The following ERBB4 variants were observed in gnomAD, a reference collection of about 807,000 sequenced individuals.
ERBB4 encodes the protein erb-b2 receptor tyrosine kinase 4.
A neutral mutation model predicts 158.0 loss-of-function variants in ERBB4; 42 were observed. The ratio of observed to expected loss-of-function variants is 0.27; its 90% CI spans 0.21 to 0.34. ERBB4 has a LOEUF of 0.34. Ranked by LOEUF, ERBB4 falls within the 10% of genes least tolerant of loss-of-function variation. ERBB4 has a pLI of 1.00. For synonymous variants in ERBB4, 583 were observed against 558.7 expected (o/e 1.04, Z -0.61); for missense variants, 1,333 against 1,624.1 (o/e 0.82, Z 3.08).
At chr2:212,393,892 G>T (rs1205639590) in intron 1 of ERBB4, among the ~76,000 whole-genome samples, 1 of 151,988 alleles carries the variant, frequency 6.6e-6, no homozygotes, top group African/African-American at 2.4e-5. Context: ...CCACTTCTAG[G>T]CCAGATGCAA....
chr2:211,850,611 G>A (rs768849744), intron 3 of ERBB4, among the ~76,000 whole-genome samples: 4 of 151,872 alleles, frequency 2.6e-5, no homozygotes, highest in Non-Finnish European at 4.4e-5. Flanking sequence ...AATTGACAGA[G>A]ATGGTGGAAA....
At chr2:211,860,664 T>G (rs1295641802) in intron 3 of ERBB4, among the ~76,000 whole-genome samples, 2 of 144,160 alleles carry the variant, frequency 1.4e-5, no homozygotes, top group East Asian at 4.2e-4. Flanking sequence ...ATTTTAATTT[T>G]TGCCATATAA....
chr2:211,732,697 G>A (rs1056679590), intron 5 of ERBB4, among the ~76,000 whole-genome samples: 8 of 152,254 alleles, frequency 5.3e-5, no homozygotes, highest in East Asian at 3.9e-4. Flanking sequence ...GGTGGCTCAC[G>A]CCTGTAATCC....
intron 1 of ERBB4, among the ~76,000 whole-genome samples, chr2:212,130,861 T>C (rs1399769885): frequency 6.6e-6 from 1 of 152,150 alleles, no homozygotes; most frequent in East Asian, 1.9e-4. Flanking sequence ...CATGTATATA[T>C]TGTGTGTGCA....
chr2:212,207,463 T>C (rs7595442), intron 1 of ERBB4, among the ~76,000 whole-genome samples: 33,201 of 152,170 alleles, frequency 0.22, 4,019 homozygotes, highest in South Asian at 0.44. Context: ...TCTGTCGCCA[T>C]GTGCTACACA....
At chr2:211,915,438 CAT>C (rs78546007) in intron 3 of ERBB4, among the ~76,000 whole-genome samples, 3,842 of 147,468 alleles carry the variant, frequency 0.026, 76 homozygotes, top group Middle Eastern at 0.07. Context: ...TCAAACATTA[CAT>C]ATATATATAT....
At chr2:211,975,587 C>G (rs943098873) in intron 2 of ERBB4, among the ~76,000 whole-genome samples, 2 of 152,086 alleles carry the variant, frequency 1.3e-5, no homozygotes, top group African/African-American at 4.8e-5. Flanking sequence ...GAACTTAGTT[C>G]ATATTGTTTC....
At chr2:211,456,871 C>T (rs890231291) in intron 20 of ERBB4, among the ~76,000 whole-genome samples, 1 of 152,146 alleles carries the variant, frequency 6.6e-6, no homozygotes, top group African/African-American at 2.4e-5. Context: ...CAGTAATGCT[C>T]ACTTGCAGCC....
At chr2:211,759,976 T>C (rs1448932412) in intron 4 of ERBB4, among the ~76,000 whole-genome samples, 1 of 152,230 alleles carries the variant, frequency 6.6e-6, no homozygotes, top group Non-Finnish European at 1.5e-5. Flanking sequence ...TTCCGTCATA[T>C]AGACATGCCA....
intron 3 of ERBB4, among the ~76,000 whole-genome samples, chr2:211,897,330 T>A (rs2079123319): frequency 6.6e-6 from 1 of 151,944 alleles, no homozygotes; most frequent in South Asian, 2.1e-4. Flanking sequence ...AGTTTACAGA[T>A]ACTTAGCTGG....
At chr2:212,445,034 G>A (rs907868155) in intron 1 of ERBB4, among the ~76,000 whole-genome samples, 1 of 151,824 alleles carries the variant, frequency 6.6e-6, no homozygotes, top group East Asian at 1.9e-4. Flanking sequence ...CTCTGACCAA[G>A]GCACTCACTT....
Position 211,431,048 on chromosome 2 carries a change from C to T in ERBB4, c.2540G>A (p.Arg847His), listed in dbSNP as rs1299031105. ...GTTTGGAGATTTCACTAAGACATTA[C>T]GGGCTGCCAAATCCCGATGAACGAG... ...RRLVHRDLAA[R>H]NVLVKSPNHV... The change falls in exon 21 of 28, where the codon CGT (arginine) becomes CAT (histidine). Residue 847 changes from arginine (R) to histidine (H), a missense_variant. Arg to His is a conservative substitution (Grantham distance 29). Coordinates refer to ENST00000342788, the MANE Select transcript of ERBB4 (RefSeq NM_005235.3). The T allele has an allele frequency of 6.8e-6, 11 of 1,613,616 alleles. No individual in the cohort carries two copies. The highest frequency in any genetic ancestry group is 2.7e-5 in the African/African-American group (2 of 74,888).
intron 3 of ERBB4, among the ~76,000 whole-genome samples, chr2:211,846,042 GTTAA>G (rs1344244130): frequency 1.6e-5 from 2 of 121,690 alleles, no homozygotes; most frequent in African/African-American, 6.4e-5. Flanking sequence ...CTACAATACT[GTTAA>G]TTGTTGTTTT....
intron 1 of ERBB4, among the ~76,000 whole-genome samples, chr2:212,518,039 T>C (rs997771092): frequency 2.0e-5 from 3 of 152,098 alleles, no homozygotes; most frequent in Non-Finnish European, 4.4e-5. Context: ...CAAAGTGTTA[T>C]TAATATCACT....
intron 1 of ERBB4, among the ~76,000 whole-genome samples, chr2:212,438,931 T>C (rs2092194602): frequency 1.3e-5 from 2 of 152,138 alleles, no homozygotes; most frequent in African/African-American, 2.4e-5. Flanking sequence ...TTTATGTATT[T>C]ATGTGAATTA....
Position 211,378,980 on chromosome 2 carries a change from T to A in ERBB4, c.*4635A>T, listed in dbSNP as rs1195254344. On this transcript the variant is annotated 3_prime_UTR_variant, in exon 28 of 28. Transcript: ENST00000342788. Reference sequence around the variant, plus strand: ...TACAGTAGAAGTTAATTTATCTGGTTTTTTTAACAACTAGAAGCTGATGCA... The same window carrying A: ...TACAGTAGAAGTTAATTTATCTGGTATTTTTAACAACTAGAAGCTGATGCA... 1 of 232,006 alleles carries A rather than the reference T, an allele frequency of 4.3e-6. No individual in the cohort carries two copies. The highest frequency in any genetic ancestry group is 6.1e-5 in the East Asian group (1 of 16,464). The allele number at this position is 232,006 out of a possible 1,614,324, so 14.4% of individuals were successfully genotyped here.
At chr2:211,807,988 T>A (rs978690793) in intron 3 of ERBB4, among the ~76,000 whole-genome samples, 5 of 152,240 alleles carry the variant, frequency 3.3e-5, no homozygotes, top group African/African-American at 1.2e-4. Flanking sequence ...CTTTTTCTTG[T>A]AAATTTGTTT....
At chr2:211,762,470 GA>G (rs1262553698) in intron 4 of ERBB4, among the ~76,000 whole-genome samples, 1 of 152,166 alleles carries the variant, frequency 6.6e-6, no homozygotes, top group Non-Finnish European at 1.5e-5. Context: ...CGTGGAGAGA[GA>G]AAAAGAAGGC....
At chr2:211,540,905 T>C (rs562547085) in intron 20 of ERBB4, among the ~76,000 whole-genome samples, 31 of 152,114 alleles carry the variant, frequency 2.0e-4, no homozygotes, top group African/African-American at 6.0e-4. Context: ...AAGAGTTAAC[T>C]TCCTATGGTA....
Sources: gnomAD v4.1 joint callset for allele counts (sites outside exome capture counted in the v4.1 genomes callset) on GRCh38, gnomAD v4.1.1 for gene constraint, MANE v1.5 for transcripts, NCBI Gene and HGNC (gene_info 2026-07-23, HGNC 2026-07-21) for gene names.